CTNNA3: variants seen among roughly 807,000 people sequenced by gnomAD.
CTNNA3 encodes the protein catenin alpha 3, also known as catenin alpha-3.
A neutral mutation model predicts 95.7 loss-of-function variants in CTNNA3; 76 were observed. The ratio of observed to expected loss-of-function variants is 0.79; its 90% CI spans 0.66 to 0.96. The LOEUF is 0.96. Among genes scored for constraint, CTNNA3 ranks in the 40% least tolerant of loss-of-function variants. The pLI is 0.00. For synonymous variants in CTNNA3, 431 were observed against 374.4 expected, an observed-to-expected ratio of 1.15 and a Z score of -1.74; for missense variants, 1,191 against 1,089.8, an observed-to-expected ratio of 1.09 and a Z score of -1.31.
At chr10:66,732,108 C>A (rs1848981648) in intron 9 of CTNNA3, among the ~76,000 whole-genome samples, 1 of 152,170 alleles carries the variant, frequency 6.6e-6, no homozygotes, top group Non-Finnish European at 1.5e-5. Context: ...ACTCAATTTG[C>A]CCAGGTTATT....
chr10:67,040,974 T>C (rs1854354144), intron 7 of CTNNA3, among the ~76,000 whole-genome samples: 1 of 152,082 alleles, frequency 6.6e-6, no homozygotes, highest in African/African-American at 2.4e-5. Flanking sequence ...TAAGGTGATA[T>C]AAGCATTTTA....
chr10:66,184,910 T>G (rs1308021151), intron 13 of CTNNA3, among the ~76,000 whole-genome samples: 1 of 152,196 alleles, frequency 6.6e-6, no homozygotes, highest in African/African-American at 2.4e-5. Flanking sequence ...ATATTTGTAT[T>G]CAGAGAAATC....
At chr10:66,936,205 G>A (rs1369381570) in intron 7 of CTNNA3, among the ~76,000 whole-genome samples, 1 of 152,174 alleles carries the variant, frequency 6.6e-6, no homozygotes, top group Non-Finnish European at 1.5e-5. Flanking sequence ...GATGTGTGGA[G>A]TCTTTATTAG....
At chr10:66,829,854 T>TTTGTTGTTG (rs59424993) in intron 7 of CTNNA3, among the ~76,000 whole-genome samples, 6,517 of 148,174 alleles carry the variant, frequency 0.044, 193 homozygotes, top group African/African-American at 0.076. Flanking sequence ...CCCCAGGGGA[T>TTTGTTGTTG]TTGTTGTTGT....
intron 5 of CTNNA3, among the ~76,000 whole-genome samples, chr10:67,418,641 A>G (rs1359969323): frequency 2.0e-5 from 3 of 152,198 alleles, no homozygotes; most frequent in African/African-American, 7.2e-5. Context: ...GAATCTAAAA[A>G]AAGTTGAACT....
At chr10:65,925,474 T>C (rs977001381) in intron 17 of CTNNA3, among the ~76,000 whole-genome samples, 13 of 152,154 alleles carry the variant, frequency 8.5e-5, no homozygotes, top group Admixed American at 7.9e-4. Context: ...TCTCGCTCTG[T>C]TGTCCAGACT....
intron 5 of CTNNA3, among the ~76,000 whole-genome samples, chr10:67,300,223 A>T (rs1840211632): frequency 6.6e-6 from 1 of 152,184 alleles, no homozygotes; most frequent in Non-Finnish European, 1.5e-5. Flanking sequence ...ATAGATGCTT[A>T]CAGGTCAAAA....
intron 5 of CTNNA3, among the ~76,000 whole-genome samples, chr10:67,471,181 G>T (rs1296944391): frequency 6.6e-6 from 1 of 152,022 alleles, no homozygotes; most frequent in Admixed American, 6.6e-5. Context: ...CTTTTGCATT[G>T]CAAGATGTTC....
chr10:67,587,193 T>TTGTGTGTGTGTGTGTGTGTG, intron 3 of CTNNA3, among the ~76,000 whole-genome samples: 1 of 130,064 alleles, frequency 7.7e-6, no homozygotes, highest in African/African-American at 2.8e-5. Flanking sequence ...CCCAGCTAAC[T>TTGTGTGTGTGTGTGTGTGTG]TGTGTGTGTG....
chr10:66,010,345 A>C (rs895869706), intron 15 of CTNNA3, among the ~76,000 whole-genome samples: 2 of 152,236 alleles, frequency 1.3e-5, no homozygotes, highest in African/African-American at 4.8e-5. Flanking sequence ...ACTAAAAAGT[A>C]GTTTATTCCT....
At chr10:67,661,458 T>C (rs1385024007) in intron 1 of CTNNA3, among the ~76,000 whole-genome samples, 11 of 152,116 alleles carry the variant, frequency 7.2e-5, no homozygotes, top group Non-Finnish European at 1.5e-5. Context: ...GCTATTAAAC[T>C]TCTAGAAGAA....
At chr10:66,220,080 G>A (rs1053550144) in intron 13 of CTNNA3, among the ~76,000 whole-genome samples, 11 of 151,984 alleles carry the variant, frequency 7.2e-5, no homozygotes, top group African/African-American at 2.4e-4. Context: ...CCGAGATCAC[G>A]CCACTGCACT....
At chr10:65,948,059 C>T (rs2077547006) in intron 17 of CTNNA3, among the ~76,000 whole-genome samples, 1 of 152,114 alleles carries the variant, frequency 6.6e-6, no homozygotes, top group Non-Finnish European at 1.5e-5. Flanking sequence ...GGGCGGATCA[C>T]GAGGTCAGGA....
chr10:67,654,489 CTTT>C (rs35035624), intron 1 of CTNNA3, among the ~76,000 whole-genome samples: 1 of 144,304 alleles, frequency 6.9e-6, no homozygotes, highest in African/African-American at 2.6e-5. Flanking sequence ...TGTTATTCCA[CTTT>C]TTTTTTTTTT....
chr10:66,461,305 T>C (rs2093527667), intron 11 of CTNNA3, among the ~76,000 whole-genome samples: 1 of 152,132 alleles, frequency 6.6e-6, no homozygotes, highest in Non-Finnish European at 1.5e-5. Flanking sequence ...GAAGGGTGAC[T>C]CCTCAGGGTA....
At chr10:66,617,862 G>A (rs1226201644) in intron 10 of CTNNA3, among the ~76,000 whole-genome samples, 2 of 151,528 alleles carry the variant, frequency 1.3e-5, no homozygotes, top group African/African-American at 4.9e-5. Flanking sequence ...CTTCAGCAAA[G>A]TCTCAGGATA....
chr10:66,131,411 T>C (rs972310055), intron 13 of CTNNA3, among the ~76,000 whole-genome samples: 3 of 152,220 alleles, frequency 2.0e-5, no homozygotes, highest in South Asian at 4.1e-4. Flanking sequence ...TGGTTCAACA[T>C]ATGCAGATCA....
At chr10:65,959,387 T>A (rs956257858) in intron 17 of CTNNA3, among the ~76,000 whole-genome samples, 3 of 152,198 alleles carry the variant, frequency 2.0e-5, no homozygotes, top group Non-Finnish European at 2.9e-5. Context: ...CTCCATGGGC[T>A]GTACCCACTG....
chr10:67,194,988 T>C (rs902016995), intron 6 of CTNNA3, among the ~76,000 whole-genome samples: 7 of 151,984 alleles, frequency 4.6e-5, no homozygotes, highest in African/African-American at 1.7e-4. Context: ...ATAAGGAATC[T>C]GTACTCCATG....
Sources: allele counts gnomAD v4.1 joint callset (sites outside exome capture counted in the v4.1 genomes callset), GRCh38; gene constraint gnomAD v4.1.1; transcripts MANE v1.5; gene names NCBI Gene and HGNC (gene_info 2026-07-23, HGNC 2026-07-21).